Variants in RABGAP1L observed in about 807,000 individuals in gnomAD.
The protein encoded by RABGAP1L is rab GTPase-activating protein 1-like.
A neutral mutation model predicts 137.7 loss-of-function variants in RABGAP1L; 63 were observed. The observed-to-expected ratio is 0.46, with a 90% CI of 0.37 to 0.56. The LOEUF is 0.56. Ranked by LOEUF, RABGAP1L falls within the 20% of genes least tolerant of loss-of-function variation. RABGAP1L has a pLI of 0.00. For missense variants in RABGAP1L, 1,095 were observed against 1,244.0 expected (o/e 0.88, Z 1.80); for synonymous variants, 431 against 433.7 (o/e 0.99, Z 0.08).
chr1:174,465,793 A>G (rs1657232143), intron 13 of RABGAP1L, among the ~76,000 whole-genome samples: 1 of 152,174 alleles, frequency 6.6e-6, no homozygotes, highest in Non-Finnish European at 1.5e-5. Flanking sequence ...AACAACATGC[A>G]TGGACTTGGC....
rs549235962 is a variant in RABGAP1L, at chr1:174,563,249, T to C, written c.1711-74126T>C. On this transcript the variant is annotated intron_variant, in intron 13 of 25. Transcript: ENST00000681986. ...TGTAGTGAGTGCTTAAACTTAAAAT[T>C]TATGTTTGGTTTTATGTGAAAGCTT... Among the ~76,000 whole-genome samples, 45 of 152,174 alleles carry C rather than the reference T, an allele frequency of 3.0e-4. 1 individual carries two copies. The highest frequency in any genetic ancestry group is 6.5e-4 in the Non-Finnish European group (44 of 68,032).
chr1:174,705,491 T>C (rs1347654343), intron 17 of RABGAP1L: 2 of 152,326 alleles, frequency 1.3e-5, no homozygotes, highest in African/African-American at 4.8e-5. Flanking sequence ...ATCATAGATA[T>C]TACCTTTCCT....
intron 18 of RABGAP1L, among the ~76,000 whole-genome samples, chr1:174,760,449 A>G (rs1183739557): frequency 6.6e-6 from 1 of 152,122 alleles, no homozygotes; most frequent in Non-Finnish European, 1.5e-5. Flanking sequence ...GTTCTGTGTT[A>G]GTTTGCTTCG....
chr1:174,648,817 A>G (rs993884103), intron 14 of RABGAP1L, among the ~76,000 whole-genome samples: 1 of 152,120 alleles, frequency 6.6e-6, no homozygotes, highest in Admixed American at 6.6e-5. Context: ...GTCTCCCACT[A>G]TTATTGTATG....
At chr1:174,498,062 C>T (rs764918) in intron 13 of RABGAP1L, among the ~76,000 whole-genome samples, 9,706 of 152,118 alleles carry the variant, frequency 0.064, 431 homozygotes, top group Non-Finnish European at 0.09. Flanking sequence ...TTTTTTATTT[C>T]ACATTTTTAA....
chr1:174,861,504 A>AT (rs1223247900), intron 19 of RABGAP1L, among the ~76,000 whole-genome samples: 2 of 152,130 alleles, frequency 1.3e-5, no homozygotes, highest in Non-Finnish European at 2.9e-5. Context: ...CAGTAGTTCC[A>AT]TTTTTTATAT....
chr1:174,260,491 T>C (rs1451252915), intron 7 of RABGAP1L, among the ~76,000 whole-genome samples: 1 of 152,140 alleles, frequency 6.6e-6, no homozygotes, highest in Non-Finnish European at 1.5e-5. Flanking sequence ...GAAAGCAAGA[T>C]CATTGTATAT....
chr1:174,202,215 G>T (rs1668163056), intron 1 of RABGAP1L, among the ~76,000 whole-genome samples: 1 of 152,068 alleles, frequency 6.6e-6, no homozygotes, highest in Admixed American at 6.6e-5. Context: ...AGATCCCTGA[G>T]GAATCGCTAC....
At chr1:174,882,352 A>T (rs1422349504) in intron 19 of RABGAP1L, among the ~76,000 whole-genome samples, 1 of 152,144 alleles carries the variant, frequency 6.6e-6, no homozygotes, top group Non-Finnish European at 1.5e-5. Context: ...TCAGGTGTGG[A>T]TACTGCATTT....
intron 13 of RABGAP1L, among the ~76,000 whole-genome samples, chr1:174,556,490 T>G (rs1666891487): frequency 1.3e-5 from 2 of 152,208 alleles, no homozygotes; most frequent in South Asian, 2.1e-4. Flanking sequence ...TTTGGTAGTC[T>G]TCTTTCCCTC....
At chr1:174,743,606 A>G (rs1456340978) in intron 17 of RABGAP1L, among the ~76,000 whole-genome samples, 3 of 152,172 alleles carry the variant, frequency 2.0e-5, no homozygotes. Flanking sequence ...CCTGCATAAC[A>G]AACCTGAACA....
Position 174,826,808 on chromosome 1 carries a change from T to C in RABGAP1L, c.2340+14848T>C, listed in dbSNP as rs1470417044. On this transcript the variant is annotated intron_variant, in intron 19 of 25. Transcript: ENST00000681986. The stretch of plus-strand genomic sequence containing the variant: ...TCTCTGCGGCCTCGCCAACATCTTA[T>C]TTTTTGACATTTTAACAAAAGCCAT... 6.6e-5 allele frequency among the ~76,000 whole-genome samples: 10 copies of C among 152,322 alleles called. No individual in the cohort carries two copies. In the East Asian group the frequency reaches 1.9e-3, roughly 29 times the overall value.
At chr1:174,618,456 T>G (rs547176142) in intron 13 of RABGAP1L, among the ~76,000 whole-genome samples, 1 of 152,288 alleles carries the variant, frequency 6.6e-6, no homozygotes, top group African/African-American at 2.4e-5. Flanking sequence ...TCCAGAGGAA[T>G]GATCAGGCAG....
intron 11 of RABGAP1L, among the ~76,000 whole-genome samples, chr1:174,308,181 A>G (rs1678479778): frequency 6.6e-6 from 1 of 151,846 alleles, no homozygotes; most frequent in Non-Finnish European, 1.5e-5. Flanking sequence ...TGAGTTGTGC[A>G]AAATTCACAT....
intron 19 of RABGAP1L, among the ~76,000 whole-genome samples, chr1:174,908,271 G>A (rs1456431087): frequency 6.6e-6 from 1 of 152,108 alleles, no homozygotes; most frequent in Non-Finnish European, 1.5e-5. Context: ...AGAAACAGTA[G>A]AGTTAAACTA....
At chr1:174,170,671 CAA>C (rs35800051) in intron 1 of RABGAP1L, among the ~76,000 whole-genome samples, 49 of 85,350 alleles carry the variant, frequency 5.7e-4, no homozygotes, top group Admixed American at 5.7e-4. Context: ...GACGCTGTTT[CAA>C]AAAAAAAAAA....
rs1156789872 is a variant in RABGAP1L at position 174,832,306 on chromosome 1, G to GA, written c.2340+20351dup. Reference sequence around the variant, plus strand: ...AGACTCTATCTCAAAAAAGAAAAAAGAAAAAGAAAAAGAAAAAAGAAAAAG... The same window carrying GA: ...AGACTCTATCTCAAAAAAGAAAAAAGAAAAAAGAAAAAGAAAAAAGAAAAAG... On this transcript the variant is annotated intron_variant, in intron 19 of 25. Coordinates refer to ENST00000681986, the MANE Select transcript of RABGAP1L (RefSeq NM_001366446.1). Among the ~76,000 whole-genome samples, 5 of 139,036 alleles carry GA rather than the reference G, an allele frequency of 3.6e-5. 2 individuals are homozygous for GA. Among genetic ancestry groups the GA allele is most frequent in the African/African-American group, 1.4e-4 (5 of 34,850 alleles). The allele number at this position is 139,036 out of a possible 152,430, so 91.2% of individuals were successfully genotyped here.
At chr1:174,800,406 A>T in intron 18 of RABGAP1L, 1 of 1,550,796 alleles carries the variant, frequency 6.4e-7, no homozygotes, top group Non-Finnish European at 8.7e-7. Flanking sequence ...CAGGACATGC[A>T]CGACGAGAGG....
chr1:174,934,506 G>T lies in RABGAP1L; in HGVS notation c.2341-22951G>T, dbSNP rs181665744. 8.6e-3 allele frequency among the ~76,000 whole-genome samples: 1,315 copies of T among 152,154 alleles called. 20 individuals carry two copies. Among genetic ancestry groups the T allele is most frequent in the African/African-American group, 0.03 (1,261 of 41,518 alleles). ...TACAGTATCAAAAATATACTTCAAG[G>T]CCAGGCATGGTGGCTCGCGTGTGTA... is the stretch of plus-strand genomic sequence containing the variant. On this transcript the variant is annotated intron_variant, in intron 19 of 25. Transcript: ENST00000681986.
Sources: gnomAD v4.1 joint callset for allele counts (sites outside exome capture counted in the v4.1 genomes callset) on GRCh38, gnomAD v4.1.1 for gene constraint, MANE v1.5 for transcripts, NCBI Gene and HGNC (gene_info 2026-07-23, HGNC 2026-07-21) for gene names.